The following MCHR2 variants were observed in gnomAD, a reference collection of about 807,000 sequenced individuals.
The protein encoded by MCHR2 is melanin concentrating hormone receptor 2, also known as melanin-concentrating hormone receptor 2.
In MCHR2, 15 loss-of-function variants were observed where a neutral mutation model predicts 24.8. That is an observed-to-expected ratio of 0.60 (90% confidence interval 0.40 to 0.93). The LOEUF (loss-of-function observed/expected upper bound fraction) is 0.93, where lower values mean the gene tolerates loss of function less well. MCHR2 is among the 40% of genes least tolerant of loss of function. MCHR2 has a pLI of 0.00. For synonymous variants in MCHR2, 151 were observed against 147.6 expected (o/e 1.02, Z -0.17); for missense variants, 386 against 408.7 (o/e 0.94, Z 0.48).
intron 1 of MCHR2, among the ~76,000 whole-genome samples, chr6:99,973,002 T>C (rs1015137043): frequency 1.3e-5 from 2 of 152,190 alleles, no homozygotes; most frequent in African/African-American, 4.8e-5. Context: ...CGTTTTGGAA[T>C]AGGTGTTGTG....
rs201022719 is a variant in MCHR2, at chr6:99,920,766, A to G, written c.*174T>C. On this transcript the variant is annotated 3_prime_UTR_variant, in exon 6 of 6. Coordinates refer to ENST00000281806, the MANE Select transcript of MCHR2 (RefSeq NM_001040179.2). ...ATAGATCAACATTTTACATCTTGCT[A>G]AAGTTAGCATATTAAGCTCATTGTA... The G allele has an allele frequency of 6.2e-6, 4 of 644,862 alleles. No individual in the cohort carries two copies. The highest frequency in any genetic ancestry group is 1.1e-5 in the Non-Finnish European group (4 of 375,106). The allele number at this position is 644,862 out of a possible 1,614,324, so 39.9% of individuals were successfully genotyped here.
At chr6:99,947,672 A>C in intron 3 of MCHR2, 90 bp downstream of exon 3, 1 of 1,349,494 alleles carries the variant, frequency 7.4e-7, no homozygotes. Flanking sequence ...CTGCTGTTAT[A>C]AACCAAAACT....
In MCHR2 at chr6:99,948,878, A is replaced by C. The variant is rs59481159; in HGVS notation, c.183-907T>G. Among the ~76,000 whole-genome samples, 2,773 of 152,216 alleles carry C rather than the reference A, an allele frequency of 0.018. 212 individuals are homozygous for C. In the East Asian group the frequency reaches 0.26, roughly 14 times the overall value. The stretch of plus-strand genomic sequence containing the variant: ...CAGTAAAATCTAACAAATAGCAAAG[A>C]CTATTAATAAAGACCCTGAGATCCA... On this transcript the variant is annotated intron_variant, in intron 2 of 5. Coordinates refer to ENST00000281806, the MANE Select transcript of MCHR2 (RefSeq NM_001040179.2).
intron 4 of MCHR2, among the ~76,000 whole-genome samples, chr6:99,939,024 G>C (rs1322126286): frequency 2.0e-5 from 3 of 152,028 alleles, no homozygotes; most frequent in South Asian, 4.1e-4. Flanking sequence ...TTGACCTCCA[G>C]TTGTATGGAA....
At chr6:99,947,358 C>A (rs767676244) in intron 3 of MCHR2, among the ~76,000 whole-genome samples, 9 of 152,046 alleles carry the variant, frequency 5.9e-5, no homozygotes, top group Non-Finnish European at 1.2e-4. Flanking sequence ...CTAAGGAAAC[C>A]TACTTTAATT....
intron 1 of MCHR2, among the ~76,000 whole-genome samples, chr6:99,957,681 C>T (rs891721775): frequency 4.0e-5 from 6 of 151,676 alleles, no homozygotes; most frequent in African/African-American, 1.5e-4. Context: ...TAAAAACAAG[C>T]AAAAATTTAA....
chr6:99,991,814 A>T (rs1227486332), intron 1 of MCHR2, among the ~76,000 whole-genome samples: 1 of 151,094 alleles, frequency 6.6e-6, no homozygotes, highest in African/African-American at 2.4e-5. Context: ...GTCTCAAAAA[A>T]AAAAAAAAAA....
At chr6:99,974,359 T>G (rs1014050370) in intron 1 of MCHR2, among the ~76,000 whole-genome samples, 2 of 152,270 alleles carry the variant, frequency 1.3e-5, no homozygotes, top group Admixed American at 1.3e-4. Flanking sequence ...CATTGGCTCC[T>G]GAGGCTTCTG....
rs186879836 is a variant in MCHR2 at position 99,952,669 on chromosome 6, G to A, written c.182+3297C>T. ...TACAAACTGCCTTAAAATATTTAGA[G>A]AGCAATTTGCAAAAAAGTTGATAAA... On this transcript the variant is annotated intron_variant, in intron 2 of 5. Coordinates refer to ENST00000281806, the MANE Select transcript of MCHR2 (RefSeq NM_001040179.2). Among the ~76,000 whole-genome samples, 741 of 152,154 alleles carry A rather than the reference G, an allele frequency of 4.9e-3. 9 individuals are homozygous for A. Among genetic ancestry groups the A allele is most frequent in the African/African-American group, 0.017 (720 of 41,526 alleles).
chr6:99,934,385 G>A lies in MCHR2; in HGVS notation c.707+13C>T, dbSNP rs199969444. The A allele has an allele frequency of 6.4e-7, 1 of 1,559,768 alleles. No individual in the cohort carries two copies. Among genetic ancestry groups the A allele is most frequent in the Non-Finnish European group, 8.6e-7 (1 of 1,160,620 alleles). ...ATTGTTCTTTTAACAAATAAAACAA[G>A]GCAAACACTTACCATCTGGCATCCT... On this transcript the variant is annotated intron_variant, in intron 5 of 5. Transcript: ENST00000281806.
In MCHR2 at chr6:99,970,919, A is replaced by T. The variant is rs551004564; in HGVS notation, c.-27-14745T>A. 4.2e-3 allele frequency among the ~76,000 whole-genome samples: 632 copies of T among 152,166 alleles called. 6 individuals are homozygous for T. The highest frequency in any genetic ancestry group is 0.014 in the African/African-American group (595 of 41,508). ...GGGCTCTGTTCTGTTCCATTGATCTATATCTCTGTTTTGGTACCAGTACCA... is the reference window on the plus strand; with the variant it reads ...GGGCTCTGTTCTGTTCCATTGATCTTTATCTCTGTTTTGGTACCAGTACCA... On this transcript the variant is annotated intron_variant, in intron 1 of 5. Transcript: ENST00000281806.
At chr6:99,958,782 G>A (rs933787631) in intron 1 of MCHR2, among the ~76,000 whole-genome samples, 8 of 152,154 alleles carry the variant, frequency 5.3e-5, no homozygotes, top group Non-Finnish European at 1.2e-4. Flanking sequence ...CCATATGATC[G>A]GGGGAAACTT....
intron 1 of MCHR2, among the ~76,000 whole-genome samples, chr6:99,990,378 A>G (rs1211814182): frequency 6.6e-6 from 1 of 152,014 alleles, no homozygotes; most frequent in African/African-American, 2.4e-5. Context: ...TAAACACACT[A>G]TTTACCCTGT....
At chr6:99,983,143 G>T (rs1466091699) in intron 1 of MCHR2, among the ~76,000 whole-genome samples, 10 of 136,666 alleles carry the variant, frequency 7.3e-5, no homozygotes, top group Non-Finnish European at 1.5e-4. Context: ...GGTTTTTTTT[G>T]GTATTTTTGT....
chr6:99,929,447 C>A (rs1014523022), intron 5 of MCHR2, among the ~76,000 whole-genome samples: 4 of 152,128 alleles, frequency 2.6e-5, no homozygotes, highest in African/African-American at 9.7e-5. Flanking sequence ...GTGTTAAAGT[C>A]TCCCGTTATT....
chr6:99,982,261 C>T (rs1013612517), intron 1 of MCHR2, among the ~76,000 whole-genome samples: 20 of 151,858 alleles, frequency 1.3e-4, no homozygotes, highest in Non-Finnish European at 2.8e-4. Context: ...CCTCAGTTAA[C>T]GACTCACATC....
intron 1 of MCHR2, among the ~76,000 whole-genome samples, chr6:99,973,346 T>G (rs1023347534): frequency 3.9e-5 from 6 of 152,174 alleles, no homozygotes; most frequent in Admixed American, 1.3e-4. Flanking sequence ...TTGATCTTTG[T>G]TGGTTTAAAG....
At chr6:99,938,322 T>C (rs1774706338) in intron 4 of MCHR2, among the ~76,000 whole-genome samples, 1 of 152,082 alleles carries the variant, frequency 6.6e-6, no homozygotes, top group East Asian at 1.9e-4. Context: ...TTTTTTGATA[T>C]AGGCATTTAT....
chr6:99,970,595 G>C (rs558092456), intron 1 of MCHR2, among the ~76,000 whole-genome samples: 1 of 152,196 alleles, frequency 6.6e-6, no homozygotes, highest in East Asian at 1.9e-4. Context: ...TTTGGCTTTT[G>C]TTGCCTTTGT....
Sources: allele counts gnomAD v4.1 joint callset (sites outside exome capture counted in the v4.1 genomes callset), GRCh38; gene constraint gnomAD v4.1.1; transcripts MANE v1.5; gene names NCBI Gene and HGNC (gene_info 2026-07-23, HGNC 2026-07-21).